The following TMEM132D variants were observed in gnomAD, a reference collection of about 807,000 sequenced individuals.
The protein encoded by TMEM132D is mature OL transmembrane protein.
TMEM132D carries 21 observed loss-of-function variants against 62.3 expected under a neutral mutation model. The observed-to-expected ratio is 0.34, with a 90% CI of 0.24 to 0.49. The LOEUF (loss-of-function observed/expected upper bound fraction) is 0.49, where lower values mean the gene tolerates loss of function less well. Among genes scored for constraint, TMEM132D ranks in the 20% least tolerant of loss-of-function variants. The probability of loss-of-function intolerance (pLI) is 0.99; values close to 1 mark genes in which losing one functional copy is unlikely to be tolerated. For synonymous variants in TMEM132D, 621 were observed against 575.6 expected (o/e 1.08, Z -1.13); for missense variants, 1,346 against 1,402.8 (o/e 0.96, Z 0.65).
intron 3 of TMEM132D, among the ~76,000 whole-genome samples, chr12:129,344,189 C>T (rs1869608190): frequency 1.3e-5 from 2 of 152,256 alleles, no homozygotes; most frequent in Non-Finnish European, 1.5e-5. Flanking sequence ...TGAATTCTTT[C>T]TTGCGTGAGA....
intron 2 of TMEM132D, among the ~76,000 whole-genome samples, chr12:129,672,758 AGTT>A (rs1248920514): frequency 2.0e-5 from 3 of 152,062 alleles, no homozygotes; most frequent in East Asian, 1.9e-4. Flanking sequence ...TGTAGGTGGT[AGTT>A]GTTGTTTTGA....
chr12:129,158,528 T>C (rs1031308195), intron 5 of TMEM132D, among the ~76,000 whole-genome samples: 5 of 152,234 alleles, frequency 3.3e-5, no homozygotes, highest in African/African-American at 1.2e-4. Flanking sequence ...TCTGTTGGCA[T>C]AGAAGTATAT....
At chr12:129,553,651 T>C (rs1876966121) in intron 2 of TMEM132D, among the ~76,000 whole-genome samples, 1 of 152,204 alleles carries the variant, frequency 6.6e-6, no homozygotes, top group Non-Finnish European at 1.5e-5. Flanking sequence ...GAATGTGTCA[T>C]TGGGAAGAGA....
chr12:129,780,245 C>T (rs1018760254), intron 1 of TMEM132D, among the ~76,000 whole-genome samples: 22 of 147,638 alleles, frequency 1.5e-4, no homozygotes, highest in East Asian at 2.1e-4. Context: ...CTGTGGACAG[C>T]GTTGACCCTC....
chr12:129,683,498 A>G (rs1264018586), intron 2 of TMEM132D, among the ~76,000 whole-genome samples: 1 of 152,206 alleles, frequency 6.6e-6, no homozygotes, highest in East Asian at 1.9e-4. Context: ...TTCCCAAACC[A>G]AGCCCATGAT....
chr12:129,828,063 C>G (rs1393100557), intron 1 of TMEM132D, among the ~76,000 whole-genome samples: 1 of 152,110 alleles, frequency 6.6e-6, no homozygotes, highest in Admixed American at 6.6e-5. Context: ...ACATTAATAA[C>G]TTATTCTTTT....
rs1347642561 is a variant in TMEM132D, at chr12:129,457,365, T to A, written c.1115+73694A>T. ...ACAAAAAACCAAACACCGCATGTTC[T>A]CACTCATAGGTGGGAATTGAACAAT... On this transcript the variant is annotated intron_variant, in intron 3 of 8. Coordinates refer to ENST00000422113, the MANE Select transcript of TMEM132D (RefSeq NM_133448.3). 6.1e-4 allele frequency among the ~76,000 whole-genome samples: 87 copies of A among 142,920 alleles called. 1 individual carries two copies. The highest frequency in any genetic ancestry group is 2.8e-4 in the Non-Finnish European group (19 of 66,776). 93.8% of individuals were successfully genotyped at this position (142,920 alleles called of 152,430 possible).
At chr12:129,591,238 C>T (rs11060457) in intron 2 of TMEM132D, among the ~76,000 whole-genome samples, 3,004 of 152,254 alleles carry the variant, frequency 0.02, 189 homozygotes, top group East Asian at 0.19. Flanking sequence ...CTCATCATGG[C>T]TTCCAAAGAT....
chr12:129,530,277 A>G (rs997491281), intron 3 of TMEM132D, among the ~76,000 whole-genome samples: 7 of 152,206 alleles, frequency 4.6e-5, no homozygotes, highest in Non-Finnish European at 8.8e-5. Context: ...TTAAAAATGC[A>G]CTCCAGAAAT....
intron 1 of TMEM132D, among the ~76,000 whole-genome samples, chr12:129,769,985 T>C (rs1475052792): frequency 6.6e-6 from 1 of 151,928 alleles, no homozygotes; most frequent in Non-Finnish European, 1.5e-5. Context: ...GAACGTTCTT[T>C]TATTTTTAAT....
rs796965356 is a variant in TMEM132D, at chr12:129,167,182, C to A, written c.1443+42338G>T. On this transcript the variant is annotated intron_variant, in intron 5 of 8. Coordinates refer to ENST00000422113, the MANE Select transcript of TMEM132D (RefSeq NM_133448.3). ...TTAAAAAAAAAAAACAAAAAAAAAA[C>A]CAGTGCCAACATGGGTAGCAAACAG... 4.5e-3 allele frequency among the ~76,000 whole-genome samples: 663 copies of A among 148,516 alleles called. 17 individuals carry two copies. Among genetic ancestry groups the A allele is most frequent in the Admixed American group, 0.034 (506 of 14,860 alleles).
chr12:129,843,522 T>A (rs1453271445), intron 1 of TMEM132D, among the ~76,000 whole-genome samples: 1 of 152,206 alleles, frequency 6.6e-6, no homozygotes, highest in Non-Finnish European at 1.5e-5. Flanking sequence ...TGACAGATTA[T>A]TTATGCAATC....
chr12:129,286,611 G>A lies in TMEM132D; in HGVS notation c.1299+51023C>T, dbSNP rs1417751906. Among the ~76,000 whole-genome samples, 5 of 152,282 alleles carry A rather than the reference G, an allele frequency of 3.3e-5. No individual in the cohort carries two copies. The East Asian group carries it at 7.7e-4, about 24-fold the overall frequency. On this transcript the variant is annotated intron_variant, in intron 4 of 8. Coordinates refer to ENST00000422113, the MANE Select transcript of TMEM132D (RefSeq NM_133448.3). ...TAAGATTCCTCAGCCTCTCTCATTC[G>A]TAGGTTGGGAGCATGTGCTGGAGCT... is the stretch of plus-strand genomic sequence containing the variant.
At chr12:129,097,131 C>A (rs1875141256) in intron 5 of TMEM132D, among the ~76,000 whole-genome samples, 1 of 152,230 alleles carries the variant, frequency 6.6e-6, no homozygotes, top group South Asian at 2.1e-4. Flanking sequence ...CTGGAGAGTT[C>A]TTTGCTGTAG....
intron 5 of TMEM132D, among the ~76,000 whole-genome samples, chr12:129,192,820 A>C (rs1878441250): frequency 6.6e-6 from 1 of 152,140 alleles, no homozygotes; most frequent in Non-Finnish European, 1.5e-5. Flanking sequence ...GCACCAAAGG[A>C]GGTTCAAATC....
At chr12:129,799,631 G>C (rs907547387) in intron 1 of TMEM132D, among the ~76,000 whole-genome samples, 1 of 151,892 alleles carries the variant, frequency 6.6e-6, no homozygotes, top group African/African-American at 2.4e-5. Flanking sequence ...TTGGCCCGTC[G>C]GTCTCTCACA....
intron 2 of TMEM132D, among the ~76,000 whole-genome samples, chr12:129,617,882 C>T (rs890492274): frequency 1.3e-5 from 2 of 152,158 alleles, no homozygotes; most frequent in Non-Finnish European, 1.5e-5. Flanking sequence ...TAGGGGGATG[C>T]ATATATTCAA....
At chr12:129,680,084 C>T (rs117976197) in intron 2 of TMEM132D, among the ~76,000 whole-genome samples, 3,329 of 152,240 alleles carry the variant, frequency 0.022, 172 homozygotes, top group South Asian at 0.12. Flanking sequence ...TGCTATTCTC[C>T]CTTTCTGTAA....
intron 3 of TMEM132D, among the ~76,000 whole-genome samples, chr12:129,478,505 C>T (rs1874335160): frequency 6.6e-6 from 1 of 152,144 alleles, no homozygotes; most frequent in Non-Finnish European, 1.5e-5. Flanking sequence ...TTAAACAAGG[C>T]TGACTTTTAA....
Sources: allele counts gnomAD v4.1 joint callset (sites outside exome capture counted in the v4.1 genomes callset), GRCh38; gene constraint gnomAD v4.1.1; transcripts MANE v1.5; gene names NCBI Gene and HGNC (gene_info 2026-07-23, HGNC 2026-07-21).